MACROD2: variants seen among roughly 807,000 people sequenced by gnomAD.
MACROD2 encodes ADP-ribose glycohydrolase MACROD2.
Under a neutral mutation model 70.4 loss-of-function variants are expected in MACROD2, and 36 were observed. The ratio of observed to expected loss-of-function variants is 0.51; its 90% confidence interval spans 0.39 to 0.68. The LOEUF is 0.68. Among genes scored for constraint, MACROD2 ranks in the 30% least tolerant of loss-of-function variants. The pLI, the probability that MACROD2 is intolerant of heterozygous loss-of-function variation, is 0.00. For synonymous variants in MACROD2, 172 were observed against 178.8 expected (o/e 0.96, Z 0.30); for missense variants, 496 against 538.4 (o/e 0.92, Z 0.78).
chr20:14,577,841 AC>A (rs1215269566), intron 4 of MACROD2, among the ~76,000 whole-genome samples: 1 of 152,170 alleles, frequency 6.6e-6, no homozygotes, highest in Non-Finnish European at 1.5e-5. Flanking sequence ...AGAGAAAACA[AC>A]TATGTAAGAA....
rs1600364109 is a variant in MACROD2, at chr20:15,405,140, T to G, written c.541-26265T>G. Among the ~76,000 whole-genome samples, 4 of 151,786 alleles carry G rather than the reference T, an allele frequency of 2.6e-5. No individual in the cohort carries two copies. The East Asian group carries it at 7.7e-4, about 29-fold the overall frequency. On this transcript the variant is annotated intron_variant, in intron 6 of 17. Coordinates refer to ENST00000684519, the MANE Select transcript of MACROD2 (RefSeq NM_001351661.2). ...GTCAGAGGATAAGGGCAGGGGGTAA[T>G]GAGGAGCGACTGCTAATGGGTATGG...
chr20:14,363,549 G>C (rs533023174), intron 3 of MACROD2, among the ~76,000 whole-genome samples: 5 of 152,050 alleles, frequency 3.3e-5, no homozygotes, highest in African/African-American at 7.2e-5. Context: ...GGCCGGGCGC[G>C]GTGGCTCACG....
At chr20:15,310,789 T>C (rs1340425800) in intron 6 of MACROD2, among the ~76,000 whole-genome samples, 2 of 152,088 alleles carry the variant, frequency 1.3e-5, no homozygotes, top group African/African-American at 4.8e-5. Context: ...GTGACTTTCC[T>C]TTTACATCGC....
intron 8 of MACROD2, among the ~76,000 whole-genome samples, chr20:15,532,340 C>A (rs1355806883): frequency 2.0e-5 from 3 of 152,198 alleles, no homozygotes; most frequent in East Asian, 1.9e-4. Context: ...TCAACCCTAG[C>A]AGAATGTGAT....
intron 5 of MACROD2, among the ~76,000 whole-genome samples, chr20:15,105,656 T>C (rs1772299337): frequency 6.6e-6 from 1 of 152,094 alleles, no homozygotes; most frequent in African/African-American, 2.4e-5. Flanking sequence ...TCCTCTAAGA[T>C]GATAAATCAT....
intron 8 of MACROD2, among the ~76,000 whole-genome samples, chr20:15,520,311 T>C (rs1440728718): frequency 1.3e-5 from 2 of 152,168 alleles, no homozygotes; most frequent in Non-Finnish European, 2.9e-5. Flanking sequence ...GTGAAGTGTC[T>C]AGATTGGGGC....
intron 7 of MACROD2, among the ~76,000 whole-genome samples, chr20:15,485,027 C>T (rs866923495): frequency 1.3e-5 from 2 of 151,876 alleles, no homozygotes; most frequent in African/African-American, 4.8e-5. Context: ...TAGCTGTTCA[C>T]GTGTTGGCAC....
intron 5 of MACROD2, among the ~76,000 whole-genome samples, chr20:15,116,399 T>A (rs2075992102): frequency 6.6e-6 from 1 of 152,092 alleles, no homozygotes; most frequent in Non-Finnish European, 1.5e-5. Context: ...TCCCAGCACT[T>A]TAGGAGGCCA....
chr20:14,576,811 T>A (rs969420096), intron 4 of MACROD2, among the ~76,000 whole-genome samples: 1 of 152,192 alleles, frequency 6.6e-6, no homozygotes, highest in Non-Finnish European at 1.5e-5. Flanking sequence ...AGGGCTTATA[T>A]TGGAAGAAAT....
intron 5 of MACROD2, among the ~76,000 whole-genome samples, chr20:15,151,168 G>A (rs915551094): frequency 2.0e-5 from 3 of 152,090 alleles, no homozygotes; most frequent in African/African-American, 7.3e-5. Flanking sequence ...GGCTCTGGGA[G>A]TGGCTGCCAG....
chr20:15,467,123 G>T (rs1343427651), intron 7 of MACROD2, among the ~76,000 whole-genome samples: 4 of 152,178 alleles, frequency 2.6e-5, no homozygotes, highest in African/African-American at 7.2e-5. Context: ...AACCTGCTCT[G>T]CTGAAGATCA....
intron 15 of MACROD2, among the ~76,000 whole-genome samples, chr20:15,993,069 T>A (rs1057005648): frequency 4.6e-5 from 7 of 152,160 alleles, no homozygotes; most frequent in African/African-American, 1.7e-4. Context: ...ATATTTAACT[T>A]CCTTCCAAAG....
intron 5 of MACROD2, among the ~76,000 whole-genome samples, chr20:15,224,810 A>G (rs2076891274): frequency 6.6e-6 from 1 of 152,006 alleles, no homozygotes; most frequent in African/African-American, 2.4e-5. Flanking sequence ...AAATACAAAT[A>G]TTAGCTTGGT....
intron 5 of MACROD2, among the ~76,000 whole-genome samples, chr20:14,809,239 A>G (rs1221759954): frequency 2.6e-5 from 4 of 152,162 alleles, no homozygotes. Context: ...ACAGTTTCTC[A>G]GACCACAGTG....
rs2081749909 is a variant in MACROD2 at position 14,227,389 on chromosome 20, A to G, written c.271+141661A>G. Among the ~76,000 whole-genome samples, 2 of 152,134 alleles carry G rather than the reference A, an allele frequency of 1.3e-5. 1 individual carries two copies. The highest frequency in any genetic ancestry group is 4.1e-4 in the South Asian group (2 of 4,824). On this transcript the variant is annotated intron_variant, in intron 3 of 17. Transcript: ENST00000684519. ...CTCTCTTTGGGTCCACGCTACCTTT[A>G]TGAGATGTAACACTCACCACAAAGG...
At chr20:15,478,622 C>G (rs1054947536) in intron 7 of MACROD2, among the ~76,000 whole-genome samples, 4 of 152,070 alleles carry the variant, frequency 2.6e-5, no homozygotes, top group Non-Finnish European at 5.9e-5. Flanking sequence ...ACGTTCTCTC[C>G]CATTGACCAG....
At chr20:15,432,597 A>T (rs1395979446) in intron 7 of MACROD2, among the ~76,000 whole-genome samples, 1 of 152,124 alleles carries the variant, frequency 6.6e-6, no homozygotes, top group Non-Finnish European at 1.5e-5. Flanking sequence ...GTACAAAGTT[A>T]TGCCTGGCAA....
chr20:15,322,940 C>A (rs182316393), intron 6 of MACROD2, among the ~76,000 whole-genome samples: 1 of 144,252 alleles, frequency 6.9e-6, no homozygotes, highest in East Asian at 2.0e-4. Flanking sequence ...TCTGGAAAGT[C>A]AGATCTGAAT....
intron 5 of MACROD2, among the ~76,000 whole-genome samples, chr20:15,211,533 A>G (rs1026110235): frequency 5.9e-5 from 9 of 152,084 alleles, no homozygotes; most frequent in African/African-American, 2.2e-4. Flanking sequence ...CACAGTAATG[A>G]GTGAGTTATC....
Sources: allele counts gnomAD v4.1 joint callset (sites outside exome capture counted in the v4.1 genomes callset), GRCh38; gene constraint gnomAD v4.1.1; transcripts MANE v1.5; gene names NCBI Gene and HGNC (gene_info 2026-07-23, HGNC 2026-07-21).